The following RAVER1 variants were observed in gnomAD, a reference collection of about 807,000 sequenced individuals.
RAVER1 encodes ribonucleoprotein PTB-binding 1.
RAVER1 carries 36 observed loss-of-function variants against 68.4 expected under a neutral mutation model. The ratio of observed to expected loss-of-function variants is 0.53; its 90% confidence interval spans 0.40 to 0.70. The LOEUF is 0.70. Ranked by LOEUF, RAVER1 falls within the 30% of genes least tolerant of loss-of-function variation. The pLI is 0.00. For synonymous variants in RAVER1, 469 were observed against 472.7 expected, an observed-to-expected ratio of 0.99 and a Z score of 0.10; for missense variants, 933 against 1,019.8, an observed-to-expected ratio of 0.91 and a Z score of 1.16.
intron 1 of RAVER1, among the ~76,000 whole-genome samples, chr19:10,331,390 C>CAAAAAA (rs1568314187): frequency 6.3e-5 from 2 of 31,750 alleles, no homozygotes; most frequent in Non-Finnish European, 1.2e-4. Context: ...AAAATAACAA[C>CAAAAAA]AACAAAAAAA....
intron 3 of RAVER1, among the ~76,000 whole-genome samples, chr19:10,324,470 C>T (rs1318597562): frequency 6.6e-6 from 1 of 152,190 alleles, no homozygotes; most frequent in Non-Finnish European, 1.5e-5. Context: ...ACCTCCACCT[C>T]CTGGGTTCAA....
chr19:10,319,521 G>C (rs189400543), intron 9 of RAVER1, among the ~76,000 whole-genome samples: 1 of 152,246 alleles, frequency 6.6e-6, no homozygotes, highest in East Asian at 1.9e-4. Context: ...GTTGTTATTT[G>C]TTTGAAACAC....
At position 10,323,142 on chromosome 19, in the gene RAVER1, T is replaced by C; in HGVS notation, c.1078+3A>G. ...GTGGGGCCCCTGTCCAGCCCCACCT[T>C]ACCCTGCTTCCCCCCCGCACTGCCA... On this transcript the variant is annotated splice_donor_region_variant and intron_variant, in intron 5 of 12. Coordinates refer to ENST00000617231, the MANE Select transcript of RAVER1 (RefSeq NM_133452.3). This position sits in a 1 kb window ranked among gnomAD's most constrained non-coding sequence, Gnocchi z 6.2. 1 of 1,588,078 alleles carries C rather than the reference T, an allele frequency of 6.3e-7. No individual in the cohort carries two copies. Among genetic ancestry groups the C allele is most frequent in the Non-Finnish European group, 8.6e-7 (1 of 1,167,832 alleles).
rs1282720390 is a variant in RAVER1, at chr19:10,329,574, A to AAG, written c.287-464_287-463insCT. Among the ~76,000 whole-genome samples, 2 of 152,084 alleles carry AAG rather than the reference A, an allele frequency of 1.3e-5. No homozygotes were observed. Among genetic ancestry groups the AAG allele is most frequent in the East Asian group, 3.9e-4 (2 of 5,170 alleles). On this transcript the variant is annotated intron_variant, in intron 2 of 12. Transcript: ENST00000617231. This position sits in a 1 kb window ranked among gnomAD's most constrained non-coding sequence, Gnocchi z 4.6. The stretch of plus-strand genomic sequence containing the variant: ...CCCAGAGCAGCACCCCTGTGCCCCG[A>AAG]GTAGGGGAGCCTGGACTTGAACCCA...
Position 10,320,839 on chromosome 19 carries a change from C to A in RAVER1, c.1586G>T (p.Trp529Leu). Residue 529 changes from tryptophan to leucine, a missense_variant, in exon 9 of 13, where the codon TGG (tryptophan) becomes TTG (leucine). Trp to Leu is a moderately conservative substitution (Grantham distance 61). This residue lies in a region of RAVER1 where 699 missense variants were observed against 731.1 expected (regional missense o/e 0.96). Coordinates refer to ENST00000617231, the MANE Select transcript of RAVER1 (RefSeq NM_133452.3). ...GCGGCGGCTTCTCCCGGCGCCTCCC[C>A]AGCCCCGGGCCTCCTTACCCGCCAG... The part of the protein sequence containing the change: ...SNLAGKEARG[W>L]GGAGRSRRPA... 1 of 1,515,938 alleles carries A rather than the reference C, an allele frequency of 6.6e-7. No individual in the cohort carries two copies. Among genetic ancestry groups the A allele is most frequent in the South Asian group, 1.3e-5 (1 of 76,720 alleles). The allele number at this position is 1,515,938 out of a possible 1,614,324, so 93.9% of individuals were successfully genotyped here.
intron 3 of RAVER1, among the ~76,000 whole-genome samples, chr19:10,324,154 CAAAA>C (rs60714347): frequency 3.1e-5 from 3 of 95,262 alleles, no homozygotes. Context: ...AACTCCATCT[CAAAA>C]AAAAAAAAAA....
chr19:10,323,464 G>A lies in RAVER1; in HGVS notation c.859C>T (p.Leu287=). The stretch of plus-strand genomic sequence containing the variant: ...GAGACTCGCAGGTGGCTGCCCCCCA[G>A]GGACAGGCCGTCCGCCTGCTGCTGT... The part of the protein sequence containing the change: ...EAQQQADGLS[L]GGSHLRVSFC... The change falls in exon 4 of 13, where the codon CTG becomes TTG. Residue 287 remains leucine, a synonymous_variant. Transcript: ENST00000617231. The surrounding 1 kb of genome is among the most constrained non-coding windows in gnomAD (Gnocchi z 6.2). 6.2e-7 allele frequency: 1 copy of A among 1,609,888 alleles called. No homozygotes were observed. Among genetic ancestry groups the A allele is most frequent in the Non-Finnish European group, 8.5e-7 (1 of 1,179,558 alleles).
chr19:10,332,051 G>A (rs1008759088), intron 1 of RAVER1, among the ~76,000 whole-genome samples: 2 of 152,102 alleles, frequency 1.3e-5, no homozygotes, highest in African/African-American at 4.8e-5. Flanking sequence ...CTAGAGTGTA[G>A]TAGCACAATC....
intron 2 of RAVER1, among the ~76,000 whole-genome samples, 161 bp downstream of exon 2, chr19:10,330,299 G>A (rs1016394716): frequency 6.6e-6 from 1 of 152,156 alleles, no homozygotes; most frequent in Non-Finnish European, 1.5e-5. Context: ...CATGAAGGCT[G>A]TCCCAAGATG....
intron 1 of RAVER1, among the ~76,000 whole-genome samples, chr19:10,332,852 T>C (rs2040532579): frequency 1.3e-5 from 2 of 152,074 alleles, no homozygotes; most frequent in Admixed American, 1.3e-4. Flanking sequence ...AATAAACGCG[T>C]GATATGGAGG....
In RAVER1 at chr19:10,328,786, G is replaced by A. The variant is rs202025795; in HGVS notation, c.612C>T (p.Tyr204=). Residue 204 remains tyrosine, a synonymous_variant, in exon 3 of 13, where the codon TAC becomes TAT. Coordinates refer to ENST00000617231, the MANE Select transcript of RAVER1 (RefSeq NM_133452.3). This position sits in a 1 kb window ranked among gnomAD's most constrained non-coding sequence, Gnocchi z 4.4. ...LGKPLGPRTL[Y]VHWTDAGQLT... ...GTTGCCCGGCATCCGTCCAGTGCAC[G>A]TAGAGGGTGCGTGGTCCCAGCGGCT... 1.5e-5 allele frequency: 24 copies of A among 1,613,226 alleles called. No individual in the cohort carries two copies. The highest frequency in any genetic ancestry group is 1.3e-4 in the Admixed American group (8 of 60,026).
intron 3 of RAVER1, among the ~76,000 whole-genome samples, chr19:10,325,354 A>G (rs1397494997): frequency 6.6e-6 from 1 of 151,822 alleles, no homozygotes; most frequent in Admixed American, 6.6e-5. Flanking sequence ...CCTCCCAAAT[A>G]GCTGGGACCA....
rs754256418 is a variant in RAVER1 at position 10,318,361 on chromosome 19, CG to C, written c.1856del (p.Pro619ArgfsTer72). The C allele has an allele frequency of 5.6e-6, 9 of 1,598,112 alleles. No homozygotes were observed. In the Admixed American group the frequency reaches 8.9e-5, roughly 16 times the overall value. Reference protein sequence around the residue: ...HGPSRHKMSPPPSGFGERSSG... With the variant: ...HGPSRHKMSPXPSGFGERSSG... ...TGCTCCGTTCGCCGAAGCCACTGGG[CG>C]GGGGGGACATCTGTAGAAGAAGGGC... On this transcript the variant is annotated frameshift_variant, in exon 11 of 13. Coordinates refer to ENST00000617231, the MANE Select transcript of RAVER1 (RefSeq NM_133452.3). LOFTEE classifies it high-confidence loss of function.
At chr19:10,326,763 T>TG (rs907213480) in intron 3 of RAVER1, among the ~76,000 whole-genome samples, 1 of 149,762 alleles carries the variant, frequency 6.7e-6, no homozygotes, top group African/African-American at 2.5e-5. Flanking sequence ...CTGTTTTTTT[T>TG]TTTTTTTTTT....
rs758648258 is a variant in RAVER1, at chr19:10,329,076, C to A, written c.322G>T (p.Ala108Ser). 1.3e-6 allele frequency: 2 copies of A among 1,504,826 alleles called. No homozygotes were observed. The highest frequency in any genetic ancestry group is 2.7e-5 in the South Asian group (2 of 74,748). The allele number at this position is 1,504,826 out of a possible 1,614,324, so 93.2% of individuals were successfully genotyped here. Residue 108 changes from alanine to serine, a missense_variant, in exon 3 of 13, where the codon GCC (alanine) becomes TCC (serine). Around this residue, in one of 3 missense-constraint regions of RAVER1, gnomAD observed 211 missense variants for 230.0 expected, o/e 0.92. Coordinates refer to ENST00000617231, the MANE Select transcript of RAVER1 (RefSeq NM_133452.3). This position sits in a 1 kb window ranked among gnomAD's most constrained non-coding sequence, Gnocchi z 4.6. ...VTLLNGEQAE[A>S]AINAFHQSRL... ...CTCTGGTGGAAAGCATTGATTGCGG[C>A]CTCGGCCTGCTCCCCATTCAGCAGG...
chr19:10,324,008 C>T (rs1041408295), intron 3 of RAVER1, among the ~76,000 whole-genome samples: 35 of 151,994 alleles, frequency 2.3e-4, no homozygotes, highest in African/African-American at 7.7e-4. Context: ...ATTAGCCAGG[C>T]GTGGTGGCAC....
rs2040444529 is a variant in RAVER1 at position 10,322,432 on chromosome 19, T to G, written c.1173+213A>C. 4.0e-6 allele frequency: 2 copies of G among 499,744 alleles called. No homozygotes were observed. The highest frequency in any genetic ancestry group is 3.7e-5 in the East Asian group (1 of 27,216). 31.0% of individuals were successfully genotyped at this position (499,744 alleles called of 1,614,324 possible). ...ACCAAGTCCAGGGGCGCTCTCAGAA[T>G]GGAGGGAAAGATGGCGAACCATCAT... On this transcript the variant is annotated intron_variant, in intron 6 of 12. Coordinates refer to ENST00000617231, the MANE Select transcript of RAVER1 (RefSeq NM_133452.3). The surrounding 1 kb of genome is among the most constrained non-coding windows in gnomAD (Gnocchi z 4.3).
Position 10,321,108 on chromosome 19 carries a change from G to A in RAVER1, c.1413C>T (p.Leu471=). The part of the protein sequence containing the change: ...QLTPPPAPVG[L]RGSGLRGLQK... ...GGAGGCCTCTGAGGCCAGAGCCTCG[G>A]AGCCCCACAGGGGCGGGGGGAGGAG... Residue 471 remains leucine, a synonymous_variant, in exon 8 of 13, where the codon CTC becomes CTT. Transcript: ENST00000617231. The A allele has an allele frequency of 1.5e-6, 2 of 1,321,822 alleles. No individual in the cohort carries two copies. The highest frequency in any genetic ancestry group is 1.9e-6 in the Non-Finnish European group (2 of 1,036,916). 81.9% of individuals were successfully genotyped at this position (1,321,822 alleles called of 1,614,324 possible).
At chr19:10,330,187 A>G (rs2040503441) in intron 2 of RAVER1, among the ~76,000 whole-genome samples, 1 of 152,016 alleles carries the variant, frequency 6.6e-6, no homozygotes. Flanking sequence ...AGGGGTAAGA[A>G]GAGAATGAAC....
Sources: gnomAD v4.1 joint callset for allele counts (sites outside exome capture counted in the v4.1 genomes callset) on GRCh38, gnomAD v4.1.1 for gene constraint, gnomAD v4.1.1 regional missense constraint, Gnocchi (gnomAD v3.1) non-coding constraint, MANE v1.5 for transcripts, NCBI Gene and HGNC (gene_info 2026-07-23, HGNC 2026-07-21) for gene names.